The following BANK1 variants were observed in gnomAD, a reference collection of about 807,000 sequenced individuals.
BANK1 encodes B-cell scaffold protein with ankyrin repeats.
A neutral mutation model predicts 94.5 loss-of-function variants in BANK1; 95 were observed. The ratio of observed to expected loss-of-function variants is 1.00; its 90% CI spans 0.85 to 1.19. The LOEUF is 1.19. BANK1 is among the 50% of genes most tolerant of loss of function. The probability of loss-of-function intolerance (pLI) is 0.00; values close to 1 mark genes in which losing one functional copy is unlikely to be tolerated. For missense variants in BANK1, 987 were observed against 932.2 expected (o/e 1.06, Z -0.77); for synonymous variants, 334 against 308.4 (o/e 1.08, Z -0.87).
At chr4:101,931,878 CAG>C (rs1263935267) in intron 7 of BANK1, among the ~76,000 whole-genome samples, 3 of 151,308 alleles carry the variant, frequency 2.0e-5, no homozygotes, top group African/African-American at 4.8e-5. Flanking sequence ...AGAAGGCAGA[CAG>C]AGAGGAGCAG....
chr4:102,007,130 ATATAAAAAATAT>A (rs1726314411), intron 7 of BANK1, among the ~76,000 whole-genome samples: 1 of 58,286 alleles, frequency 1.7e-5, no homozygotes, highest in Non-Finnish European at 3.2e-5. Context: ...TTTTATATAT[ATATAAAAAATAT>A]ATTTTATATA....
intron 11 of BANK1, among the ~76,000 whole-genome samples, chr4:102,056,478 G>C (rs1728232182): frequency 1.3e-5 from 2 of 151,998 alleles, no homozygotes; most frequent in South Asian, 4.2e-4. Context: ...TTAATGTTAT[G>C]GAAAGATTCT....
At chr4:101,952,700 G>A (rs1315032546) in intron 7 of BANK1, among the ~76,000 whole-genome samples, 1 of 152,018 alleles carries the variant, frequency 6.6e-6, no homozygotes, top group Non-Finnish European at 1.5e-5. Flanking sequence ...CCTTGATTAC[G>A]GCAAATCCAT....
At chr4:101,963,111 C>G (rs952388769) in intron 7 of BANK1, among the ~76,000 whole-genome samples, 2 of 151,988 alleles carry the variant, frequency 1.3e-5, no homozygotes, top group Non-Finnish European at 2.9e-5. Flanking sequence ...TTGATCTTTA[C>G]TAAGATTTTC....
At chr4:101,852,913 A>G (rs998699047) in intron 2 of BANK1, among the ~76,000 whole-genome samples, 1 of 152,134 alleles carries the variant, frequency 6.6e-6, no homozygotes, top group East Asian at 1.9e-4. Flanking sequence ...GGATACTGCC[A>G]TGGTGGAATG....
rs919552714 is a variant in BANK1, at chr4:101,963,092, A to G, written c.1206+44903A>G. Among the ~76,000 whole-genome samples, 9 of 152,240 alleles carry G rather than the reference A, an allele frequency of 5.9e-5. No individual in the cohort carries two copies. The East Asian group carries it at 1.7e-3, about 29-fold the overall frequency. On this transcript the variant is annotated intron_variant, in intron 7 of 16. Coordinates refer to ENST00000322953, the MANE Select transcript of BANK1 (RefSeq NM_017935.5). ...TTTTTAATTGTTTTGGACTTGCGGTATATTTCCATTGATCTTTACTAAGAT... is the reference window on the plus strand; with the variant it reads ...TTTTTAATTGTTTTGGACTTGCGGTGTATTTCCATTGATCTTTACTAAGAT...
chr4:102,070,080 G>T lies in BANK1; in HGVS notation c.2213-1195G>T, dbSNP rs540437556. Among the ~76,000 whole-genome samples, 5 of 152,222 alleles carry T rather than the reference G, an allele frequency of 3.3e-5. No homozygotes were observed. In the East Asian group the frequency reaches 7.7e-4, roughly 24 times the overall value. On this transcript the variant is annotated intron_variant, in intron 13 of 16. Coordinates refer to ENST00000322953, the MANE Select transcript of BANK1 (RefSeq NM_017935.5). ...CTCAGAAGAAAGAATTTGACAGAGG[G>T]GCATAAGGCAGCAAAAGAGACTGAG...
rs1260506950 is a variant in BANK1, at chr4:101,825,720, T to C, written c.71-4088T>C. 2.6e-5 allele frequency among the ~76,000 whole-genome samples: 4 copies of C among 152,120 alleles called. No homozygotes were observed. In the South Asian group the frequency reaches 8.3e-4, roughly 31 times the overall value. The stretch of plus-strand genomic sequence containing the variant: ...CTCAGTAAATAATAATTGAGAAAAC[T>C]AAAGATTAAAATACTGAAATGATTT... On this transcript the variant is annotated intron_variant, in intron 1 of 16. Coordinates refer to ENST00000322953, the MANE Select transcript of BANK1 (RefSeq NM_017935.5).
rs1728746795 is a variant in BANK1, at chr4:102,071,171, A to G, written c.2213-104A>G. The G allele has an allele frequency of 3.1e-6, 4 of 1,295,328 alleles. No homozygotes were observed. In the South Asian group the frequency reaches 3.7e-5, roughly 12 times the overall value. The allele number at this position is 1,295,328 out of a possible 1,614,324, so 80.2% of individuals were successfully genotyped here. A position where few individuals can be genotyped will look rare whatever the true frequency, so the allele number is the denominator to read the frequency against. ...GATCAGAATGTGAGATTTCATAGCA[A>G]CCTCAAAGACAAGAAGTAGTCCAAC... On this transcript the variant is annotated intron_variant, in intron 13 of 16. Transcript: ENST00000322953.
At chr4:101,954,078 C>T (rs1364950242) in intron 7 of BANK1, among the ~76,000 whole-genome samples, 1 of 152,020 alleles carries the variant, frequency 6.6e-6, no homozygotes, top group African/African-American at 2.4e-5. Flanking sequence ...GCCAGTAATT[C>T]TTGACATTCC....
At chr4:101,958,397 C>A (rs999202274) in intron 7 of BANK1, among the ~76,000 whole-genome samples, 2 of 149,614 alleles carry the variant, frequency 1.3e-5, no homozygotes, top group African/African-American at 2.5e-5. Flanking sequence ...AAACCCATGC[C>A]CTTTTTACTG....
intron 7 of BANK1, among the ~76,000 whole-genome samples, chr4:102,003,781 CAG>C (rs1227310091): frequency 6.6e-6 from 1 of 151,750 alleles, no homozygotes; most frequent in Non-Finnish European, 1.5e-5. Context: ...TGCATACACA[CAG>C]ATATAAATAT....
intron 7 of BANK1, among the ~76,000 whole-genome samples, chr4:102,015,278 T>C (rs1369431602): frequency 6.6e-6 from 1 of 152,134 alleles, no homozygotes; most frequent in Non-Finnish European, 1.5e-5. Context: ...TTTTGGTATC[T>C]TTTTGACTTA....
At chr4:101,972,354 A>G (rs1158029948) in intron 7 of BANK1, 1 of 152,088 alleles carries the variant, frequency 6.6e-6, no homozygotes, top group Non-Finnish European at 1.5e-5. Context: ...GAAATGCTAC[A>G]GATTTTTGTG....
chr4:101,836,623 G>A (rs1244479990), intron 2 of BANK1, among the ~76,000 whole-genome samples: 1 of 152,154 alleles, frequency 6.6e-6, no homozygotes, highest in African/African-American at 2.4e-5. Context: ...GTACAGTTTG[G>A]TTTTTCTCTT....
chr4:101,847,736 T>TACACACACAC lies in BANK1; in HGVS notation c.470-7269_470-7260dup, dbSNP rs35196238. Among the ~76,000 whole-genome samples, 918 of 145,870 alleles carry TACACACACAC rather than the reference T, an allele frequency of 6.3e-3. 8 individuals carry two copies. The highest frequency in any genetic ancestry group is 0.021 in the African/African-American group (827 of 39,270). On this transcript the variant is annotated intron_variant, in intron 2 of 16. Transcript: ENST00000322953. The stretch of plus-strand genomic sequence containing the variant: ...TTTATGTCTGCGTAGTATTCCATCA[T>TACACACACAC]ACACACACACACACACACACACACA...
At chr4:101,816,559 T>TC (rs1476515235) in intron 1 of BANK1, among the ~76,000 whole-genome samples, 1 of 145,190 alleles carries the variant, frequency 6.9e-6, no homozygotes, top group East Asian at 2.0e-4. Flanking sequence ...CCATGCTTCT[T>TC]TTTTTTTTTT....
intron 2 of BANK1, among the ~76,000 whole-genome samples, chr4:101,848,454 C>T (rs1401781201): frequency 6.6e-6 from 1 of 152,136 alleles, no homozygotes; most frequent in East Asian, 1.9e-4. Context: ...TTAATTATGG[C>T]TTCCATTTCA....
At chr4:101,804,546 A>C (rs1380580790) in intron 1 of BANK1, among the ~76,000 whole-genome samples, 1 of 152,058 alleles carries the variant, frequency 6.6e-6, no homozygotes, top group Non-Finnish European at 1.5e-5. Flanking sequence ...CATTACAAGC[A>C]AAAGGTGATT....
Sources: gnomAD v4.1 joint callset for allele counts (sites outside exome capture counted in the v4.1 genomes callset) on GRCh38, gnomAD v4.1.1 for gene constraint, MANE v1.5 for transcripts, NCBI Gene and HGNC (gene_info 2026-07-23, HGNC 2026-07-21) for gene names.